The following RALGPS1 variants were observed in gnomAD, a reference collection of about 807,000 sequenced individuals.
The protein encoded by RALGPS1 is ras-specific guanine nucleotide-releasing factor RalGPS1.
In RALGPS1, 19 loss-of-function variants were observed where a neutral mutation model predicts 78.8. That is an observed-to-expected ratio of 0.24 (90% CI 0.17 to 0.35). The LOEUF is 0.35. Among genes scored for constraint, RALGPS1 ranks in the 10% least tolerant of loss-of-function variants. RALGPS1 has a pLI of 1.00. For missense variants in RALGPS1, 454 were observed against 688.3 expected, an observed-to-expected ratio of 0.66 and a Z score of 3.81; for synonymous variants, 228 against 256.3, an observed-to-expected ratio of 0.89 and a Z score of 1.06.
Position 127,183,998 on chromosome 9 carries a change from G to A in RALGPS1, c.910+9216G>A, listed in dbSNP as rs1439750080. 1.3e-6 allele frequency: 2 copies of A among 1,550,168 alleles called. No homozygotes were observed. The highest frequency in any genetic ancestry group is 2.4e-5 in the South Asian group (2 of 84,054). On this transcript the variant is annotated intron_variant, in intron 11 of 18. Transcript: ENST00000259351. This position sits in a 1 kb window ranked among gnomAD's most constrained non-coding sequence, Gnocchi z 4.0. ...ACCAGCGGCTCCCCCAGCATCTGCT[G>A]CTCCGCGCTCCCCGTGGCCTAGGAA...
intron 4 of RALGPS1, among the ~76,000 whole-genome samples, chr9:127,003,131 A>G (rs1487910700): frequency 6.6e-6 from 1 of 152,194 alleles, no homozygotes. Flanking sequence ...ACCATTCAGG[A>G]CATAGGCATG....
chr9:126,997,690 A>G (rs915691419), intron 4 of RALGPS1, among the ~76,000 whole-genome samples: 4 of 152,322 alleles, frequency 2.6e-5, no homozygotes, highest in Admixed American at 6.5e-5. Context: ...ATATGGAACC[A>G]AAAAAGAGCC....
chr9:126,927,286 G>A (rs1044280731), intron 1 of RALGPS1, among the ~76,000 whole-genome samples: 3 of 152,110 alleles, frequency 2.0e-5, no homozygotes, highest in African/African-American at 7.2e-5. Flanking sequence ...TGAGAGTCCC[G>A]GCTGAATTGC....
intron 1 of RALGPS1, among the ~76,000 whole-genome samples, chr9:126,933,795 C>A (rs2036016593): frequency 1.3e-5 from 2 of 152,124 alleles, no homozygotes; most frequent in African/African-American, 2.4e-5. Flanking sequence ...GCACCTTGTG[C>A]ACAATGCTTG....
intron 8 of RALGPS1, among the ~76,000 whole-genome samples, chr9:127,138,657 G>A (rs1200517022): frequency 2.6e-5 from 4 of 152,158 alleles, no homozygotes; most frequent in Admixed American, 6.5e-5. Context: ...GGTCAGCCAC[G>A]GAAGGACAGA....
intron 14 of RALGPS1, among the ~76,000 whole-genome samples, chr9:127,201,772 T>C (rs1200628697): frequency 6.6e-6 from 1 of 152,080 alleles, no homozygotes; most frequent in African/African-American, 2.4e-5. Context: ...GCAGACTCCC[T>C]CTCCCTCAGA....
intron 1 of RALGPS1, among the ~76,000 whole-genome samples, chr9:126,915,645 C>G (rs977098148): frequency 2.4e-4 from 36 of 152,104 alleles, no homozygotes; most frequent in Non-Finnish European, 7.4e-5. Flanking sequence ...TCTGCTGACT[C>G]GGGCTTGGAG....
At chr9:127,119,126 C>T (rs561922800) in intron 8 of RALGPS1, among the ~76,000 whole-genome samples, 10 of 152,278 alleles carry the variant, frequency 6.6e-5, no homozygotes, top group East Asian at 3.9e-4. Flanking sequence ...CACCCAGGCA[C>T]GTGGAACAAG....
At chr9:127,210,645 C>T (rs1220238909) in intron 14 of RALGPS1, 3 of 1,392,710 alleles carry the variant, frequency 2.2e-6, no homozygotes, top group Non-Finnish European at 3.0e-6. Flanking sequence ...CCTTCAGGAG[C>T]ATCTGGTCTT....
chr9:126,952,893 C>A (rs917604097), intron 1 of RALGPS1, among the ~76,000 whole-genome samples: 1 of 152,038 alleles, frequency 6.6e-6, no homozygotes, highest in Non-Finnish European at 1.5e-5. Context: ...AGCTGCACGT[C>A]CACACTGCGG....
At chr9:127,051,243 G>A (rs531519981) in intron 6 of RALGPS1, among the ~76,000 whole-genome samples, 20 of 152,348 alleles carry the variant, frequency 1.3e-4, no homozygotes, top group African/African-American at 4.8e-4. Context: ...GAGAAAGTAG[G>A]ATGTGGTTCC....
At chr9:127,055,204 A>G (rs908081551) in intron 7 of RALGPS1, among the ~76,000 whole-genome samples, 3 of 105,512 alleles carry the variant, frequency 2.8e-5, no homozygotes, top group Admixed American at 9.0e-5. Flanking sequence ...TGCTTTTTCT[A>G]TCTATCTATC....
intron 8 of RALGPS1, among the ~76,000 whole-genome samples, chr9:127,070,911 A>C (rs1158755511): frequency 4.6e-5 from 7 of 151,612 alleles, no homozygotes; most frequent in Non-Finnish European, 1.0e-4. Context: ...CCAACTTGGA[A>C]AATTTGTTTT....
chr9:126,961,922 C>A (rs1027870425), intron 1 of RALGPS1, among the ~76,000 whole-genome samples: 1 of 152,234 alleles, frequency 6.6e-6, no homozygotes, highest in Non-Finnish European at 1.5e-5. Context: ...CACCACTCAG[C>A]TGGCTGATGG....
At chr9:127,030,647 T>G (rs2046349711) in intron 4 of RALGPS1, among the ~76,000 whole-genome samples, 1 of 151,918 alleles carries the variant, frequency 6.6e-6, no homozygotes, top group Admixed American at 6.6e-5. Flanking sequence ...TTTTTTATTG[T>G]TATTAATATT....
At chr9:127,046,454 G>T (rs1337737688) in intron 5 of RALGPS1, among the ~76,000 whole-genome samples, 1 of 152,080 alleles carries the variant, frequency 6.6e-6, no homozygotes, top group African/African-American at 2.4e-5. Context: ...ATTCTAGGGA[G>T]ACTATACCTT....
At chr9:126,944,900 C>T (rs1274906682) in intron 1 of RALGPS1, among the ~76,000 whole-genome samples, 4 of 152,180 alleles carry the variant, frequency 2.6e-5, no homozygotes, top group African/African-American at 9.7e-5. Flanking sequence ...CAGAAGGTAT[C>T]AGCTGAGCCT....
intron 1 of RALGPS1, among the ~76,000 whole-genome samples, chr9:126,944,769 G>A (rs998365593): frequency 3.9e-5 from 6 of 152,104 alleles, no homozygotes; most frequent in African/African-American, 1.4e-4. Context: ...TTTTTCAGAT[G>A]TTACCAGTTT....
chr9:127,102,871 T>C (rs1023737645), intron 8 of RALGPS1, among the ~76,000 whole-genome samples: 21 of 152,244 alleles, frequency 1.4e-4, no homozygotes. Flanking sequence ...CAAAACCTTT[T>C]AGAATAAAAG....
Sources: allele counts gnomAD v4.1 joint callset (sites outside exome capture counted in the v4.1 genomes callset), GRCh38; gene constraint gnomAD v4.1.1; non-coding constraint Gnocchi (gnomAD v3.1); transcripts MANE v1.5; gene names NCBI Gene and HGNC (gene_info 2026-07-23, HGNC 2026-07-21).